OR6C2: variants seen among roughly 807,000 people sequenced by gnomAD.
The protein encoded by OR6C2 is olfactory receptor 6C2.
For synonymous variants in OR6C2, 146 were observed against 134.2 expected, an observed-to-expected ratio of 1.09 and a Z score of -0.61; for missense variants, 435 against 365.8, an observed-to-expected ratio of 1.19 and a Z score of -1.54.
intron 1 of OR6C2, among the ~76,000 whole-genome samples, chr12:55,445,808 G>A (rs1396941878): frequency 6.6e-6 from 1 of 152,184 alleles, no homozygotes; most frequent in Non-Finnish European, 1.5e-5. Flanking sequence ...AGATGATGAT[G>A]TCAAGGGCGG....
chr12:55,450,933 T>C (rs7966770), intron 1 of OR6C2, among the ~76,000 whole-genome samples: 33,892 of 151,944 alleles, frequency 0.22, 4,001 homozygotes, highest in East Asian at 0.5. Flanking sequence ...TCTTTGCAGA[T>C]TCTTCAGGGG....
intron 1 of OR6C2, among the ~76,000 whole-genome samples, chr12:55,448,644 A>AAAAAAAAAAAAAAAG (rs1555179345): frequency 9.7e-4 from 22 of 22,604 alleles, no homozygotes; most frequent in African/African-American, 4.2e-3. Context: ...CATTCACTGC[A>AAAAAAAAAAAAAAAG]AAAAAAAAAA....
At position 55,452,083 on chromosome 12, in the gene OR6C2, A is replaced by G. The variant is rs1871484435; in HGVS notation, c.-131A>G. 1 of 567,288 alleles carries G rather than the reference A, an allele frequency of 1.8e-6. No individual in the cohort carries two copies. The highest frequency in any genetic ancestry group is 3.1e-6 in the Non-Finnish European group (1 of 323,624). 35.1% of individuals were successfully genotyped at this position (567,288 alleles called of 1,614,324 possible). On this transcript the variant is annotated 5_prime_UTR_variant, in exon 2 of 2. Transcript: ENST00000641202. ...ACTGGCAACATTGATTATTCTATAA[A>G]GGGAGAAAATAAAAGTAGGCTGGTC...
chr12:55,446,522 AG>A (rs1871365252), intron 1 of OR6C2, among the ~76,000 whole-genome samples: 1 of 152,204 alleles, frequency 6.6e-6, no homozygotes. Context: ...GCTAGGTGGA[AG>A]CATATCCTAA....
Position 55,448,643 on chromosome 12 carries a change from C to CAAAAAA in OR6C2, c.-887-2673_-887-2668dup, listed in dbSNP as rs59178718. ...TCCTGTATCTGGCTTCCATTCACTG[C>CAAAAAA]AAAAAAAAAAAAAAAAGAAAGAAAA... On this transcript the variant is annotated intron_variant, in intron 1 of 1. Transcript: ENST00000641202. Among the ~76,000 whole-genome samples, 573 of 71,664 alleles carry CAAAAAA rather than the reference C, an allele frequency of 8.0e-3. 15 individuals are homozygous for CAAAAAA. The highest frequency in any genetic ancestry group is 0.028 in the African/African-American group (536 of 19,376). 47.0% of individuals were successfully genotyped at this position (71,664 alleles called of 152,430 possible).
chr12:55,445,069 G>A (rs1871338318), intron 1 of OR6C2, among the ~76,000 whole-genome samples: 1 of 152,116 alleles, frequency 6.6e-6, no homozygotes. Context: ...GGGGCAGTAA[G>A]GTAATCAAAG....
chr12:55,452,655 G>C lies in OR6C2; in HGVS notation c.442G>C (p.Val148Leu). 6.2e-7 allele frequency: 1 copy of C among 1,613,786 alleles called. No homozygotes were observed. Among genetic ancestry groups the C allele is most frequent in the Non-Finnish European group, 8.5e-7 (1 of 1,179,834 alleles). ...VCTLLVLCCW[V>L]AGLMIIVPPL... ...TACCTTATTAGTTCTCTGCTGTTGG[G>C]TGGCTGGCTTGATGATCATTGTTCC... is the stretch of plus-strand genomic sequence containing the variant. Residue 148 changes from valine (V) to leucine (L), a missense_variant, in exon 2 of 2, where the codon GTG (valine) becomes CTG (leucine). Physicochemically the swap from Val to Leu is conservative, Grantham distance 32. Transcript: ENST00000641202.
Position 55,452,779 on chromosome 12 carries a change from A to G in OR6C2, c.566A>G (p.Asp189Gly). 1 of 1,613,852 alleles carries G rather than the reference A, an allele frequency of 6.2e-7. No individual in the cohort carries two copies. Among genetic ancestry groups the G allele is most frequent in the Non-Finnish European group, 8.5e-7 (1 of 1,179,810 alleles). Residue 189 changes from aspartate (D) to glycine (G), a missense_variant, in exon 2 of 2, where the codon GAT (aspartate) becomes GGT (glycine). Physicochemically the swap from Asp to Gly is moderately conservative, Grantham distance 94. Transcript: ENST00000641202. The stretch of plus-strand genomic sequence containing the variant: ...CCTCTCCTAAAGATCTCATGCTCAG[A>G]TACATGGGTAATAGAACAGATGGTT... ...AGPLLKISCSDTWVIEQMVIL... is the reference protein window; with the variant it reads ...AGPLLKISCSGTWVIEQMVIL...
At position 55,453,043 on chromosome 12, in the gene OR6C2, C is replaced by A. The variant is rs768856725; in HGVS notation, c.830C>A (p.Thr277Asn). Reference sequence around the variant, plus strand: ...AATAAAGGAGTTTCAGTTCTTACTACTTCTGTCGCACCCTTGTTGAACCCC... The same window carrying A: ...AATAAAGGAGTTTCAGTTCTTACTAATTCTGTCGCACCCTTGTTGAACCCC... ...AINKGVSVLT[T>N]SVAPLLNPFI... The change falls in exon 2 of 2, where the codon ACT becomes AAT. Residue 277 changes from threonine to asparagine, a missense_variant. Transcript: ENST00000641202. The A allele has an allele frequency of 6.2e-7, 1 of 1,613,342 alleles. No individual in the cohort carries two copies. Among genetic ancestry groups the A allele is most frequent in the African/African-American group, 1.3e-5 (1 of 74,858 alleles).
chr12:55,446,077 G>A (rs1189160622), intron 1 of OR6C2, among the ~76,000 whole-genome samples: 2 of 152,164 alleles, frequency 1.3e-5, no homozygotes, highest in African/African-American at 4.8e-5. Flanking sequence ...GAAGAATAAA[G>A]TAAAGCATTG....
At chr12:55,446,887 GAGA>G (rs1436799497) in intron 1 of OR6C2, among the ~76,000 whole-genome samples, 7 of 152,200 alleles carry the variant, frequency 4.6e-5, no homozygotes, top group Non-Finnish European at 1.0e-4. Flanking sequence ...AGGATCGTGT[GAGA>G]AGGTGAAAAG....
chr12:55,449,356 G>C (rs1364158360), intron 1 of OR6C2, among the ~76,000 whole-genome samples: 2 of 151,770 alleles, frequency 1.3e-5, no homozygotes, highest in Admixed American at 6.6e-5. Context: ...TGTATAAAAG[G>C]TACATTAACT....
At chr12:55,444,894 C>T (rs1871335748) in intron 1 of OR6C2, among the ~76,000 whole-genome samples, 1 of 152,054 alleles carries the variant, frequency 6.6e-6, no homozygotes, top group African/African-American at 2.4e-5. Flanking sequence ...AAAAGCAAAA[C>T]TTAGAATACA....
chr12:55,448,594 C>A (rs1459141505), intron 1 of OR6C2, among the ~76,000 whole-genome samples: 1 of 132,432 alleles, frequency 7.6e-6, no homozygotes, highest in Admixed American at 8.4e-5. Flanking sequence ...CTAAACTTTT[C>A]CTACCCACAT....
Position 55,445,183 on chromosome 12 carries a change from A to C in OR6C2, c.-888+1024A>C, listed in dbSNP as rs560496799. The stretch of plus-strand genomic sequence containing the variant: ...ACAAGCTGACTGTGTCTTACTGGCC[A>C]GTATGCTCTGTTAGCATCTTCATTC... On this transcript the variant is annotated intron_variant, in intron 1 of 1. Coordinates refer to ENST00000641202, the MANE Select transcript of OR6C2 (RefSeq NM_054105.2). Among the ~76,000 whole-genome samples the C allele has an allele frequency of 9.8e-5, 15 of 152,350 alleles. No homozygotes were observed. The South Asian group carries it at 3.1e-3, about 32-fold the overall frequency.
intron 1 of OR6C2, among the ~76,000 whole-genome samples, chr12:55,447,323 GT>G (rs57564362): frequency 0.02 from 2,893 of 144,428 alleles, 74 homozygotes; most frequent in African/African-American, 0.067. Context: ...TAGTTTTTGG[GT>G]TTTTTTTTTT....
In OR6C2 at chr12:55,452,596, T is replaced by G. The variant is rs1871502229; in HGVS notation, c.383T>G (p.Leu128Arg). 1 of 1,613,782 alleles carries G rather than the reference T, an allele frequency of 6.2e-7. No homozygotes were observed. The highest frequency in any genetic ancestry group is 1.3e-5 in the African/African-American group (1 of 74,906). Residue 128 changes from leucine to arginine, a missense_variant, in exon 2 of 2, where the codon CTT becomes CGT. Leu to Arg is a moderately radical substitution (Grantham distance 102). Coordinates refer to ENST00000641202, the MANE Select transcript of OR6C2 (RefSeq NM_054105.2). Reference protein sequence around the residue: ...YDRYVAICKPLHYVVIMNNRV... With the variant: ...YDRYVAICKPRHYVVIMNNRV... ...CGCTATGTGGCCATCTGTAAACCCCTTCATTATGTGGTCATCATGAACAAC... is the reference window on the plus strand; with the variant it reads ...CGCTATGTGGCCATCTGTAAACCCCGTCATTATGTGGTCATCATGAACAAC...
At position 55,452,925 on chromosome 12, in the gene OR6C2, AC is replaced by A. The variant is rs1321970951; in HGVS notation, c.714del (p.Cys239ValfsTer5). Reference sequence around the variant, plus strand: ...TCAGCAAAGGAAAAAGGCCTTTTCTACCTGTTCATCCCACATGATTGTGGTT... The same window carrying A: ...TCAGCAAAGGAAAAAGGCCTTTTCTACTGTTCATCCCACATGATTGTGGTT... ...SVQQRKKAFS[T>X]CSSHMIVVSI... On this transcript the variant is annotated frameshift_variant, in exon 2 of 2. Transcript: ENST00000641202. LOFTEE classifies it low-confidence loss of function (END_TRUNC). 2 of 1,613,748 alleles carry A rather than the reference AC, an allele frequency of 1.2e-6. No homozygotes were observed. Among genetic ancestry groups the A allele is most frequent in the South Asian group, 2.2e-5 (2 of 91,084 alleles).
chr12:55,446,619 A>G (rs1056574348), intron 1 of OR6C2, among the ~76,000 whole-genome samples: 1 of 152,090 alleles, frequency 6.6e-6, no homozygotes, highest in South Asian at 2.1e-4. Flanking sequence ...AGAGTGGAGA[A>G]CTCCATGCAA....
Sources: gnomAD v4.1 joint callset for allele counts (sites outside exome capture counted in the v4.1 genomes callset) on GRCh38, gnomAD v4.1.1 for gene constraint, MANE v1.5 for transcripts, NCBI Gene and HGNC (gene_info 2026-07-23, HGNC 2026-07-21) for gene names.